The following CPS1 variants were observed in gnomAD, a reference collection of about 807,000 sequenced individuals.
CPS1 encodes carbamoyl-phosphate synthase 1, also known as carbamoyl-phosphate synthase [ammonia], mitochondrial.
CPS1 carries 109 observed loss-of-function variants against 174.6 expected under a neutral mutation model. The observed-to-expected ratio is 0.62, with a 90% confidence interval of 0.53 to 0.73. The LOEUF is 0.73. CPS1 is among the 30% of genes least tolerant of loss of function. The pLI, the probability that CPS1 is intolerant of heterozygous loss-of-function variation, is 0.00. For missense variants in CPS1, 1,689 were observed against 1,821.9 expected (o/e 0.93, Z 1.33); for synonymous variants, 637 against 632.0 (o/e 1.01, Z -0.12).
At chr2:210,520,017 G>A (rs1191722463) in intron 1 of CPS1, among the ~76,000 whole-genome samples, 7 of 151,788 alleles carry the variant, frequency 4.6e-5, no homozygotes, top group South Asian at 4.2e-4. Flanking sequence ...AATACAAATC[G>A]TCATTGTTTA....
At chr2:210,628,106 T>C (rs771412459) in intron 21 of CPS1, among the ~76,000 whole-genome samples, 1 of 152,182 alleles carries the variant, frequency 6.6e-6, no homozygotes, top group Non-Finnish European at 1.5e-5. Context: ...ATGATGATAA[T>C]GTAATGGCCA....
chr2:210,632,898 T>G lies in CPS1; in HGVS notation c.2688-4804T>G, dbSNP rs1322453468. On this transcript the variant is annotated intron_variant, in intron 21 of 37. Transcript: ENST00000233072. ...AATATACCATTTCAATTTAATACAT[T>G]CTAATTTTTAAGACATTTAAAAATA... 2.0e-5 allele frequency among the ~76,000 whole-genome samples: 3 copies of G among 152,352 alleles called. No homozygotes were observed. In the East Asian group the frequency reaches 5.8e-4, roughly 29 times the overall value.
chr2:210,620,479 G>T (rs191687299), intron 21 of CPS1, among the ~76,000 whole-genome samples: 1 of 152,230 alleles, frequency 6.6e-6, no homozygotes, highest in Non-Finnish European at 1.5e-5. Context: ...TTGCTATGAA[G>T]AAATATCTGA....
intron 28 of CPS1, among the ~76,000 whole-genome samples, chr2:210,652,574 G>A (rs558877309): frequency 1.5e-4 from 23 of 152,246 alleles, no homozygotes; most frequent in African/African-American, 4.3e-4. Context: ...TGGATAACTG[G>A]GTAGACAGTG....
In CPS1 at chr2:210,595,573, AGCCATGAAG is replaced by A. The variant is rs759506253; in HGVS notation, c.1352_1359+1del. Reference sequence around the variant, plus strand: ...ATTACTCAGGATCTCAAGCTGTAAAAGCCATGAAGGTGAGAGAATATGATCCTTACTAGA... The same window carrying A: ...ATTACTCAGGATCTCAAGCTGTAAAAGTGAGAGAATATGATCCTTACTAGA... On this transcript the variant is annotated inframe_deletion and splice_region_variant, in exon 13 of 38. Coordinates refer to ENST00000233072, the MANE Select transcript of CPS1 (RefSeq NM_001875.5). 6.2e-7 allele frequency: 1 copy of A among 1,608,582 alleles called. No homozygotes were observed. The highest frequency in any genetic ancestry group is 8.5e-7 in the Non-Finnish European group (1 of 1,175,714).
intron 1 of CPS1, among the ~76,000 whole-genome samples, chr2:210,501,185 C>T (rs1054312334): frequency 2.0e-5 from 3 of 152,050 alleles, no homozygotes; most frequent in Non-Finnish European, 4.4e-5. Flanking sequence ...CCCAGGAAAC[C>T]ATATTTTCCT....
chr2:210,645,616 T>C (rs1395308889), intron 25 of CPS1, among the ~76,000 whole-genome samples: 1 of 152,064 alleles, frequency 6.6e-6, no homozygotes, highest in Non-Finnish European at 1.5e-5. Context: ...ACCCCATCTC[T>C]ACTAAAAATA....
chr2:210,540,683 G>A (rs146555138), intron 1 of CPS1, among the ~76,000 whole-genome samples: 2 of 152,230 alleles, frequency 1.3e-5, no homozygotes, highest in Non-Finnish European at 1.5e-5. Flanking sequence ...CTGAGGTTCG[G>A]AGTTAAAGCA....
chr2:210,642,553 C>T lies in CPS1; in HGVS notation c.3029C>T (p.Thr1010Met), dbSNP rs79627159. 1,723 of 1,613,872 alleles carry T rather than the reference C, an allele frequency of 1.1e-3. 22 individuals carry two copies. The African/African-American group carries it at 0.017, about 16-fold the overall frequency. Residue 1010 changes from threonine to methionine, a missense_variant, in exon 25 of 38, where the codon ACG becomes ATG. Physicochemically the swap from Thr to Met is moderately conservative, Grantham distance 81. Transcript: ENST00000233072. ...IRTLRQLGKK[T>M]VVVNCNPETV... ...ACACTGCGTCAACTTGGCAAGAAGA[C>T]GGTGGTGGTGAATTGCAATCCTGAG...
At chr2:210,654,597 A>T (rs1355425856) in intron 29 of CPS1, among the ~76,000 whole-genome samples, 2 of 152,200 alleles carry the variant, frequency 1.3e-5, no homozygotes, top group Non-Finnish European at 2.9e-5. Context: ...CACATCTTGT[A>T]TTTCTAATAC....
rs1700887420 is a variant in CPS1, at chr2:210,660,636, C to A, written c.3908C>A (p.Ala1303Asp). ...ACATTGGACCATCCCATAATTCCTG[C>A]TGACTATGTTGCAATTAAGGTAACA... ...LPTLDHPIIP[A>D]DYVAIKAPMF... The change falls in exon 32 of 38, where the codon GCT (alanine) becomes GAT (aspartate). Residue 1303 changes from alanine to aspartate, a missense_variant. Physicochemically the swap from Ala to Asp is moderately radical, Grantham distance 126. Coordinates refer to ENST00000233072, the MANE Select transcript of CPS1 (RefSeq NM_001875.5). The A allele has an allele frequency of 6.2e-7, 1 of 1,613,936 alleles. No individual in the cohort carries two copies.
intron 1 of CPS1, among the ~76,000 whole-genome samples, chr2:210,572,711 T>G (rs1697543507): frequency 6.6e-6 from 1 of 152,076 alleles, no homozygotes; most frequent in Non-Finnish European, 1.5e-5. Flanking sequence ...TCCACAGTGC[T>G]TGGTTTTGTG....
chr2:210,592,969 G>C lies in CPS1; in HGVS notation c.1164+13G>C, dbSNP rs373650646. The C allele has an allele frequency of 2.3e-5, 37 of 1,607,450 alleles. No homozygotes were observed. Among genetic ancestry groups the C allele is most frequent in the Non-Finnish European group, 3.1e-5 (36 of 1,174,798 alleles). ...AATAGACACTGAGGTACGTCAAAAAGATGAGGCCTATTATGTATGCAAAAA... is the reference window on the plus strand; with the variant it reads ...AATAGACACTGAGGTACGTCAAAAACATGAGGCCTATTATGTATGCAAAAA... On this transcript the variant is annotated intron_variant, in intron 11 of 37. Coordinates refer to ENST00000233072, the MANE Select transcript of CPS1 (RefSeq NM_001875.5).
chr2:210,586,643 C>G (rs1698119483), intron 6 of CPS1, among the ~76,000 whole-genome samples: 1 of 152,030 alleles, frequency 6.6e-6, no homozygotes, highest in Non-Finnish European at 1.5e-5. Context: ...TGTGTAACTT[C>G]TGTTATTCTT....
intron 33 of CPS1, among the ~76,000 whole-genome samples, chr2:210,665,905 A>T (rs1231041097): frequency 7.3e-6 from 1 of 136,134 alleles, no homozygotes; most frequent in Non-Finnish European, 1.6e-5. Context: ...GGCCACACTG[A>T]CTTCCACAAT....
chr2:210,560,284 TGATAAATAGAAATAA>T (rs2106044607), intron 1 of CPS1, among the ~76,000 whole-genome samples: 1 of 152,124 alleles, frequency 6.6e-6, no homozygotes, highest in Admixed American at 6.6e-5. Context: ...ACAGGAAGAA[TGATAAATAGAAATAA>T]GTGGATCATA....
intron 1 of CPS1, among the ~76,000 whole-genome samples, chr2:210,521,989 G>T (rs1252370293): frequency 1.3e-5 from 2 of 151,896 alleles, no homozygotes; most frequent in African/African-American, 4.8e-5. Flanking sequence ...TTCTTAGGTG[G>T]AATCAGACCC....
At chr2:210,655,745 T>C (rs1310922126) in intron 29 of CPS1, among the ~76,000 whole-genome samples, 2 of 152,192 alleles carry the variant, frequency 1.3e-5, no homozygotes, top group African/African-American at 4.8e-5. Context: ...GGATGGAAAC[T>C]CAAATGTCAC....
rs556047307 is a variant in CPS1, at chr2:210,678,958, T to C, written c.*973T>C. On this transcript the variant is annotated 3_prime_UTR_variant, in exon 38 of 38. Coordinates refer to ENST00000233072, the MANE Select transcript of CPS1 (RefSeq NM_001875.5). The stretch of plus-strand genomic sequence containing the variant: ...ATGGGGTCCCACACTGCACTATTAA[T>C]TCCACCCACTGTAAGGGCAAGGACA... 1 of 152,334 alleles carries C rather than the reference T, an allele frequency of 6.6e-6. No homozygotes were observed. The highest frequency in any genetic ancestry group is 2.4e-5 in the African/African-American group (1 of 41,580). 9.4% of individuals were successfully genotyped at this position (152,334 alleles called of 1,614,324 possible). A position where few individuals can be genotyped will look rare whatever the true frequency, so the allele number is the denominator to read the frequency against.
Sources: allele counts gnomAD v4.1 joint callset (sites outside exome capture counted in the v4.1 genomes callset), GRCh38; gene constraint gnomAD v4.1.1; transcripts MANE v1.5; gene names NCBI Gene and HGNC (gene_info 2026-07-23, HGNC 2026-07-21).